LDLRAP1: variants seen among roughly 807,000 people sequenced by gnomAD.
The protein encoded by LDLRAP1 is low density lipoprotein receptor adaptor protein 1, also known as low density lipoprotein receptor adapter protein 1.
In LDLRAP1, 30 loss-of-function variants were observed where a neutral mutation model predicts 37.8. That is an observed-to-expected ratio of 0.79 (90% confidence interval 0.59 to 1.08). The LOEUF (loss-of-function observed/expected upper bound fraction) is 1.08, where lower values mean the gene tolerates loss of function less well. Among genes scored for constraint, LDLRAP1 ranks in the 50% least tolerant of loss-of-function variants. The pLI is 0.00. For missense variants in LDLRAP1, 375 were observed against 401.6 expected (o/e 0.93, Z 0.57); for synonymous variants, 156 against 169.8 (o/e 0.92, Z 0.63).
At chr1:25,559,859 T>C (rs1557705880) in intron 4 of LDLRAP1, among the ~76,000 whole-genome samples, 2 of 152,206 alleles carry the variant, frequency 1.3e-5, no homozygotes, top group Non-Finnish European at 2.9e-5. Context: ...TGGCACCGTC[T>C]GTCCTGGCCT....
Position 25,553,902 on chromosome 1 carries a change from C to A in LDLRAP1, c.89-20C>A. The A allele has an allele frequency of 6.2e-7, 1 of 1,612,476 alleles. No homozygotes were observed. Among genetic ancestry groups the A allele is most frequent in the Non-Finnish European group, 8.5e-7 (1 of 1,179,818 alleles). On this transcript the variant is annotated intron_variant, in intron 1 of 8. Transcript: ENST00000374338. Reference sequence around the variant, plus strand: ...GGCCCTGAGCCGCAGGGTCTGAGGGCCTACCCTGTGCTACCCCAGAGCTGC... The same window carrying A: ...GGCCCTGAGCCGCAGGGTCTGAGGGACTACCCTGTGCTACCCCAGAGCTGC...
intron 1 of LDLRAP1, among the ~76,000 whole-genome samples, chr1:25,548,641 G>T (rs970154995): frequency 6.6e-6 from 1 of 151,868 alleles, no homozygotes; most frequent in Non-Finnish European, 1.5e-5. Context: ...GAGCTACCAC[G>T]CCTGGCTGAG....
intron 1 of LDLRAP1, among the ~76,000 whole-genome samples, chr1:25,549,126 T>C (rs745895383): frequency 2.0e-5 from 3 of 152,246 alleles, no homozygotes; most frequent in Non-Finnish European, 4.4e-5. Context: ...TCTCAACAGC[T>C]TTGACTTCTG....
the LDLRAP1 span, among the ~76,000 whole-genome samples, chr1:25,579,444 G>A: frequency 3.3e-5 from 5 of 152,208 alleles, no homozygotes; most frequent in South Asian, 4.1e-4. Flanking sequence ...AGGAGGCGGC[G>A]AGCTCAGCTG....
the LDLRAP1 span, among the ~76,000 whole-genome samples, chr1:25,587,551 G>A: frequency 5.9e-5 from 9 of 152,192 alleles, no homozygotes; most frequent in African/African-American, 1.2e-4. Flanking sequence ...CAAACCAACC[G>A]TTAACCTCAA....
In LDLRAP1 at chr1:25,555,145, C is replaced by T. The variant is rs1449022519; in HGVS notation, c.344+173C>T. On this transcript the variant is annotated intron_variant, in intron 3 of 8. Transcript: ENST00000374338. The surrounding 1 kb of genome is among the most constrained non-coding windows in gnomAD (Gnocchi z 4.7). ...CCTGCTGCACAGCGCTGTTAGGAAACGTGGAGTGCACGGCACCTGGCTCAT... is the reference window on the plus strand; with the variant it reads ...CCTGCTGCACAGCGCTGTTAGGAAATGTGGAGTGCACGGCACCTGGCTCAT... Among the ~76,000 whole-genome samples, 1 of 152,178 alleles carries T rather than the reference C, an allele frequency of 6.6e-6. No individual in the cohort carries two copies. Among genetic ancestry groups the T allele is most frequent in the Non-Finnish European group, 1.5e-5 (1 of 68,034 alleles).
At chr1:25,548,335 CTTTTTTTTTTTTTTTTTT>C (rs144789866) in intron 1 of LDLRAP1, among the ~76,000 whole-genome samples, 1 of 82,308 alleles carries the variant, frequency 1.2e-5, no homozygotes, top group African/African-American at 6.6e-5. Context: ...GATGGATACT[CTTTTTTTTTTTTTTTTTT>C]TTTTTTTTTT....
At chr1:25,547,964 G>C (rs1442498457) in intron 1 of LDLRAP1, among the ~76,000 whole-genome samples, 1 of 152,234 alleles carries the variant, frequency 6.6e-6, no homozygotes, top group Non-Finnish European at 1.5e-5. Flanking sequence ...GTGGCTTGAA[G>C]GAGTCAGAGG....
intron 1 of LDLRAP1, among the ~76,000 whole-genome samples, chr1:25,546,616 A>G (rs1236256161): frequency 6.6e-6 from 1 of 152,226 alleles, no homozygotes; most frequent in Non-Finnish European, 1.5e-5. Flanking sequence ...TTCCAGAGGT[A>G]CTGGGATCAT....
At chr1:25,571,889 G>A (rs993910887), downstream of LDLRAP1, among the ~76,000 whole-genome samples, 8 of 152,216 alleles carry the variant, frequency 5.3e-5, no homozygotes, top group Non-Finnish European at 1.2e-4. Flanking sequence ...CTGAGCCCCA[G>A]CACGGCCTGT....
At chr1:25,584,690 C>T in the LDLRAP1 span, among the ~76,000 whole-genome samples, 1 of 152,234 alleles carries the variant, frequency 6.6e-6, no homozygotes, top group East Asian at 1.9e-4. Context: ...TGAAGAATCC[C>T]TTCCCCCACG....
intron 4 of LDLRAP1, 129 bp downstream of exon 4, chr1:25,557,396 T>G: frequency 1.4e-6 from 1 of 738,176 alleles, no homozygotes; most frequent in Non-Finnish European, 2.3e-6. Context: ...GTGAAATCTC[T>G]GGGAACCCCA....
At chr1:25,552,681 T>C (rs2044098921) in intron 1 of LDLRAP1, among the ~76,000 whole-genome samples, 2 of 152,210 alleles carry the variant, frequency 1.3e-5, no homozygotes. Flanking sequence ...CTTCATGTCC[T>C]CCTTCCGAGG....
intron 4 of LDLRAP1, among the ~76,000 whole-genome samples, chr1:25,559,625 G>A (rs2044295251): frequency 6.6e-6 from 1 of 152,180 alleles, no homozygotes; most frequent in Non-Finnish European, 1.5e-5. Context: ...CCCTGCTTCA[G>A]GGGCCCTGCG....
chr1:25,558,817 G>A (rs950656622), intron 4 of LDLRAP1, among the ~76,000 whole-genome samples: 63 of 152,142 alleles, frequency 4.1e-4, no homozygotes, highest in Admixed American at 4.1e-3. Context: ...AGCATTCACG[G>A]GTCTCAGGGA....
At chr1:25,564,120 TC>T (rs1461180985) in intron 7 of LDLRAP1, 2 of 365,954 alleles carry the variant, frequency 5.5e-6, no homozygotes, top group Admixed American at 3.9e-5. Flanking sequence ...CTACCACCCC[TC>T]CCCCTCAGCC....
chr1:25,577,426 C>T, the LDLRAP1 span, among the ~76,000 whole-genome samples: 3 of 152,072 alleles, frequency 2.0e-5, no homozygotes, highest in African/African-American at 7.2e-5. Context: ...GTGGGCAGGT[C>T]CTGGGCTGGT....
intron 4 of LDLRAP1, among the ~76,000 whole-genome samples, chr1:25,561,457 G>T (rs1177298530): frequency 6.6e-6 from 1 of 152,208 alleles, no homozygotes; most frequent in Non-Finnish European, 1.5e-5. Context: ...AAAGGCAGTG[G>T]CCACAGGTCC....
the LDLRAP1 span, among the ~76,000 whole-genome samples, chr1:25,576,863 G>A: frequency 6.6e-4 from 100 of 152,266 alleles, no homozygotes; most frequent in Non-Finnish European, 1.3e-3. Flanking sequence ...CCCTCCTGAT[G>A]TGGAGGTGGC....
Sources: gnomAD v4.1 joint callset for allele counts (sites outside exome capture counted in the v4.1 genomes callset) on GRCh38, gnomAD v4.1.1 for gene constraint, Gnocchi (gnomAD v3.1) non-coding constraint, MANE v1.5 for transcripts, NCBI Gene and HGNC (gene_info 2026-07-23, HGNC 2026-07-21) for gene names.